EPHB1: variants seen among roughly 807,000 people sequenced by gnomAD.
EPHB1 encodes the protein EPH receptor B1.
In EPHB1, 30 loss-of-function variants were observed where a neutral mutation model predicts 94.4. That is an observed-to-expected ratio of 0.32 (90% confidence interval 0.24 to 0.43). EPHB1 has a LOEUF of 0.43. Ranked by LOEUF, EPHB1 falls within the 20% of genes least tolerant of loss-of-function variation. The pLI is 1.00. For synonymous variants in EPHB1, 522 were observed against 489.1 expected, an observed-to-expected ratio of 1.07 and a Z score of -0.89; for missense variants, 1,055 against 1,308.3, an observed-to-expected ratio of 0.81 and a Z score of 2.99.
intron 5 of EPHB1, among the ~76,000 whole-genome samples, chr3:135,146,861 C>T (rs1941026463): frequency 6.6e-6 from 1 of 152,120 alleles, no homozygotes; most frequent in Admixed American, 6.6e-5. Flanking sequence ...CAGCAGTGGA[C>T]CCAGAAGGAT....
intron 1 of EPHB1, among the ~76,000 whole-genome samples, chr3:134,833,975 A>C (rs1240749258): frequency 1.3e-5 from 2 of 152,166 alleles, no homozygotes; most frequent in Non-Finnish European, 2.9e-5. Flanking sequence ...AGGCAGGGGA[A>C]CCACTAAAGG....
chr3:134,917,460 G>C (rs1296491278), intron 1 of EPHB1, among the ~76,000 whole-genome samples: 1 of 152,334 alleles, frequency 6.6e-6, no homozygotes, highest in East Asian at 1.9e-4. Context: ...TATGCCACGT[G>C]TGAACCAAGA....
intron 1 of EPHB1, among the ~76,000 whole-genome samples, chr3:134,873,766 G>T (rs561253038): frequency 6.6e-6 from 1 of 152,236 alleles, no homozygotes; most frequent in Non-Finnish European, 1.5e-5. Flanking sequence ...AAGAAGGGAA[G>T]TTGGTATGAG....
intron 1 of EPHB1, among the ~76,000 whole-genome samples, chr3:134,844,732 A>G (rs1440286582): frequency 6.6e-6 from 1 of 152,236 alleles, no homozygotes; most frequent in East Asian, 1.9e-4. Flanking sequence ...TCTTTGATAC[A>G]TAAATACTTC....
chr3:134,805,445 G>A (rs1205565203), intron 1 of EPHB1, among the ~76,000 whole-genome samples: 1 of 152,124 alleles, frequency 6.6e-6, no homozygotes, highest in Non-Finnish European at 1.5e-5. Flanking sequence ...GTTTAATCCT[G>A]GTCACACCAC....
chr3:135,154,252 CTA>C lies in EPHB1; in HGVS notation c.1400_1401del (p.Tyr467Ter). 6.2e-7 allele frequency: 1 copy of C among 1,614,012 alleles called. No homozygotes were observed. The highest frequency in any genetic ancestry group is 8.5e-7 in the Non-Finnish European group (1 of 1,179,870). On this transcript the variant is annotated frameshift_variant, in exon 6 of 16. Transcript: ENST00000398015. LOFTEE classifies it high-confidence loss of function. ...PEQPNGIILD[Y>X]EIRYYEKEHN... The stretch of plus-strand genomic sequence containing the variant: ...AGCAGCCCAATGGCATCATCCTGGA[CTA>C]TGAGATCCGGTACTATGAGAAGGTG...
At chr3:134,831,888 G>A (rs541587619) in intron 1 of EPHB1, among the ~76,000 whole-genome samples, 1 of 152,280 alleles carries the variant, frequency 6.6e-6, no homozygotes, top group East Asian at 1.9e-4. Flanking sequence ...TCTATGATAC[G>A]CTTGAGAGAA....
At chr3:134,843,791 T>C (rs1181725843) in intron 1 of EPHB1, among the ~76,000 whole-genome samples, 1 of 152,224 alleles carries the variant, frequency 6.6e-6, no homozygotes, top group Non-Finnish European at 1.5e-5. Context: ...CTTATTGTTA[T>C]ACTTTCTCTA....
At chr3:134,974,151 C>A (rs73214159) in intron 3 of EPHB1, among the ~76,000 whole-genome samples, 11,608 of 152,186 alleles carry the variant, frequency 0.076, 591 homozygotes, top group African/African-American at 0.13. Context: ...CATCTCCTCT[C>A]CCCAGATACA....
intron 4 of EPHB1, among the ~76,000 whole-genome samples, chr3:135,106,837 G>A (rs1426927798): frequency 1.3e-5 from 2 of 152,136 alleles, no homozygotes; most frequent in East Asian, 3.9e-4. Flanking sequence ...CCATATAAGA[G>A]GACCTTCTCC....
At chr3:134,984,388 G>A (rs1476512613) in intron 3 of EPHB1, among the ~76,000 whole-genome samples, 2 of 152,206 alleles carry the variant, frequency 1.3e-5, no homozygotes, top group Non-Finnish European at 2.9e-5. Flanking sequence ...CTTGAAGTCT[G>A]GATGGGATGG....
chr3:135,250,902 T>C (rs1174805518), intron 15 of EPHB1, among the ~76,000 whole-genome samples: 1 of 152,144 alleles, frequency 6.6e-6, no homozygotes, highest in Non-Finnish European at 1.5e-5. Context: ...TGGGATTCCC[T>C]CCTTGCAGCT....
intron 3 of EPHB1, among the ~76,000 whole-genome samples, chr3:135,058,345 T>A (rs1354179480): frequency 6.6e-6 from 1 of 152,174 alleles, no homozygotes; most frequent in Non-Finnish European, 1.5e-5. Context: ...GGTGGTGAGC[T>A]CTGCCCACCT....
chr3:134,967,260 T>A (rs533241381), intron 3 of EPHB1, among the ~76,000 whole-genome samples: 14 of 152,272 alleles, frequency 9.2e-5, no homozygotes, highest in African/African-American at 3.1e-4. Context: ...GGTGGAAGCC[T>A]CATCACAACA....
At chr3:134,816,083 G>T (rs1578108427) in intron 1 of EPHB1, among the ~76,000 whole-genome samples, 1 of 96,402 alleles carries the variant, frequency 1.0e-5, no homozygotes, top group African/African-American at 3.7e-5. Context: ...TTCTGTTTCT[G>T]TTTTTTTTTT....
At chr3:134,962,857 C>T (rs1408145561) in intron 3 of EPHB1, among the ~76,000 whole-genome samples, 1 of 152,178 alleles carries the variant, frequency 6.6e-6, no homozygotes, top group East Asian at 1.9e-4. Context: ...CCCCAGCAGC[C>T]CCAAATCAGT....
At chr3:135,097,990 C>T (rs1476574941) in intron 3 of EPHB1, among the ~76,000 whole-genome samples, 1 of 152,182 alleles carries the variant, frequency 6.6e-6, no homozygotes, top group Non-Finnish European at 1.5e-5. Flanking sequence ...TTTTACACAT[C>T]CTTTGAGGCC....
At chr3:134,915,208 A>G (rs1226469326) in intron 1 of EPHB1, among the ~76,000 whole-genome samples, 5 of 152,216 alleles carry the variant, frequency 3.3e-5, no homozygotes, top group African/African-American at 1.2e-4. Context: ...CCTGACCCTC[A>G]GTACCTCACA....
At chr3:135,132,102 A>G (rs1172059659) in intron 4 of EPHB1, among the ~76,000 whole-genome samples, 2 of 151,952 alleles carry the variant, frequency 1.3e-5, no homozygotes, top group Non-Finnish European at 2.9e-5. Context: ...CAAAGTGACT[A>G]CATGAACCTC....
Sources: gnomAD v4.1 joint callset for allele counts (sites outside exome capture counted in the v4.1 genomes callset) on GRCh38, gnomAD v4.1.1 for gene constraint, MANE v1.5 for transcripts, NCBI Gene and HGNC (gene_info 2026-07-23, HGNC 2026-07-21) for gene names.